The following NPAS3 variants were observed in gnomAD, a reference collection of about 807,000 sequenced individuals.
NPAS3 encodes the protein neuronal PAS domain-containing protein 3.
A neutral mutation model predicts 73.1 loss-of-function variants in NPAS3; 14 were observed. The observed-to-expected ratio is 0.19, with a 90% confidence interval of 0.13 to 0.30. NPAS3 has a LOEUF of 0.30. NPAS3 is among the 10% of genes least tolerant of loss of function. NPAS3 has a pLI of 1.00. For missense variants in NPAS3, 1,096 were observed against 1,250.0 expected (o/e 0.88, Z 1.86); for synonymous variants, 620 against 541.5 (o/e 1.14, Z -2.01).
At chr14:33,319,035 A>T (rs1338107238) in intron 3 of NPAS3, among the ~76,000 whole-genome samples, 1 of 152,078 alleles carries the variant, frequency 6.6e-6, no homozygotes, top group Non-Finnish European at 1.5e-5. Context: ...TTTTCCTGTT[A>T]GTCTTACCTG....
At chr14:33,735,638 A>G (rs1357787284) in intron 7 of NPAS3, among the ~76,000 whole-genome samples, 2 of 152,130 alleles carry the variant, frequency 1.3e-5, no homozygotes, top group African/African-American at 2.4e-5. Context: ...AGCCAATTTC[A>G]TATCAGTCCT....
chr14:33,383,898 T>C (rs1382344782), intron 4 of NPAS3, among the ~76,000 whole-genome samples: 1 of 152,166 alleles, frequency 6.6e-6, no homozygotes, highest in Admixed American at 6.5e-5. Context: ...TGCCGCTATA[T>C]TTGCATGAAT....
At chr14:33,069,694 A>C (rs2041415453) in intron 2 of NPAS3, among the ~76,000 whole-genome samples, 1 of 152,222 alleles carries the variant, frequency 6.6e-6, no homozygotes, top group South Asian at 2.1e-4. Context: ...TAAAATGCTT[A>C]GAAAAATGCT....
chr14:33,066,905 G>A (rs978733570), intron 2 of NPAS3, among the ~76,000 whole-genome samples: 1 of 152,190 alleles, frequency 6.6e-6, no homozygotes. Context: ...AATTGATACG[G>A]CTGAAATCCG....
At chr14:33,737,052 A>C (rs953575465) in intron 7 of NPAS3, among the ~76,000 whole-genome samples, 2 of 152,180 alleles carry the variant, frequency 1.3e-5, no homozygotes, top group Non-Finnish European at 2.9e-5. Flanking sequence ...TAAGGATAGA[A>C]AACTAATTAG....
chr14:33,611,792 TA>T (rs1345957036), intron 5 of NPAS3, among the ~76,000 whole-genome samples: 1 of 152,234 alleles, frequency 6.6e-6, no homozygotes, highest in African/African-American at 2.4e-5. Flanking sequence ...ATTGCTGTTT[TA>T]AAATGATAAA....
chr14:33,749,849 A>T (rs2061908165), intron 7 of NPAS3, among the ~76,000 whole-genome samples: 1 of 152,176 alleles, frequency 6.6e-6, no homozygotes, highest in Non-Finnish European at 1.5e-5. Flanking sequence ...GTGCTGACAG[A>T]TTGCAAAGCC....
intron 2 of NPAS3, among the ~76,000 whole-genome samples, chr14:33,113,054 G>C (rs1172181511): frequency 6.6e-6 from 1 of 152,178 alleles, no homozygotes; most frequent in Non-Finnish European, 1.5e-5. Flanking sequence ...GTACCATGCT[G>C]TTTTGGTTAC....
At chr14:33,077,773 G>GTTTT (rs1217263452) in intron 2 of NPAS3, among the ~76,000 whole-genome samples, 1 of 19,254 alleles carries the variant, frequency 5.2e-5, no homozygotes, top group Non-Finnish European at 1.4e-4. Flanking sequence ...TTGCAGTAAG[G>GTTTT]GTTTTTTTTT....
At chr14:33,200,781 C>A (rs931332915) in intron 2 of NPAS3, among the ~76,000 whole-genome samples, 1 of 152,040 alleles carries the variant, frequency 6.6e-6, no homozygotes, top group Admixed American at 6.6e-5. Flanking sequence ...AATGAATATC[C>A]CCTATGTGCT....
intron 5 of NPAS3, among the ~76,000 whole-genome samples, chr14:33,647,118 C>T (rs1393839735): frequency 6.6e-6 from 1 of 152,120 alleles, no homozygotes; most frequent in Non-Finnish European, 1.5e-5. Context: ...TGTCCTTAGG[C>T]TCAACTGTGT....
chr14:32,982,643 C>T (rs1010854847), intron 1 of NPAS3, among the ~76,000 whole-genome samples: 3 of 152,222 alleles, frequency 2.0e-5, no homozygotes, highest in Admixed American at 1.3e-4. Flanking sequence ...CTTGAGACAA[C>T]TTCTTCCTTC....
intron 6 of NPAS3, among the ~76,000 whole-genome samples, chr14:33,705,396 A>G (rs1302848831): frequency 6.6e-6 from 1 of 152,214 alleles, no homozygotes; most frequent in Non-Finnish European, 1.5e-5. Flanking sequence ...TGAAATGAAG[A>G]TATGTTGCTA....
intron 7 of NPAS3, among the ~76,000 whole-genome samples, chr14:33,768,727 G>A (rs1022925068): frequency 1.3e-5 from 2 of 152,174 alleles, no homozygotes; most frequent in African/African-American, 4.8e-5. Context: ...AAAGTTACCA[G>A]AACCAGGACT....
At chr14:33,111,467 G>A (rs1314158930) in intron 2 of NPAS3, among the ~76,000 whole-genome samples, 2 of 152,130 alleles carry the variant, frequency 1.3e-5, no homozygotes, top group Non-Finnish European at 2.9e-5. Flanking sequence ...ATTTGCTACA[G>A]TAATTCACAA....
At chr14:33,011,985 T>A (rs1483459115) in intron 1 of NPAS3, among the ~76,000 whole-genome samples, 1 of 152,114 alleles carries the variant, frequency 6.6e-6, no homozygotes, top group African/African-American at 2.4e-5. Context: ...CCCTTAGCAA[T>A]AGACCTGTTT....
At chr14:33,038,797 G>A (rs73266776) in intron 1 of NPAS3, among the ~76,000 whole-genome samples, 4,127 of 152,152 alleles carry the variant, frequency 0.027, 152 homozygotes, top group African/African-American at 0.083. Context: ...AGTTTTGAAG[G>A]TAGAAAAATG....
chr14:33,311,491 G>GT (rs1033903801), intron 3 of NPAS3, among the ~76,000 whole-genome samples: 25 of 151,848 alleles, frequency 1.6e-4, no homozygotes, highest in African/African-American at 5.8e-4. Flanking sequence ...GGTGCAATAG[G>GT]TTTTTTTTCT....
intron 3 of NPAS3, among the ~76,000 whole-genome samples, chr14:33,229,004 A>G (rs185926084): frequency 3.6e-4 from 55 of 152,308 alleles, no homozygotes; most frequent in African/African-American, 1.3e-3. Flanking sequence ...TGGGGAATTT[A>G]TTATGCATAA....
Sources: allele counts gnomAD v4.1 joint callset (sites outside exome capture counted in the v4.1 genomes callset), GRCh38; gene constraint gnomAD v4.1.1; transcripts MANE v1.5; gene names NCBI Gene and HGNC (gene_info 2026-07-23, HGNC 2026-07-21).